The following WDR59 variants were observed in gnomAD, a reference collection of about 807,000 sequenced individuals.
WDR59 encodes the protein WD repeat domain 59.
WDR59 carries 100 observed loss-of-function variants against 131.2 expected under a neutral mutation model. The observed-to-expected ratio is 0.76, with a 90% CI of 0.65 to 0.90. WDR59 has a LOEUF of 0.90. Ranked by LOEUF, WDR59 falls within the 40% of genes least tolerant of loss-of-function variation. WDR59 has a pLI of 0.00. For synonymous variants in WDR59, 601 were observed against 466.2 expected (o/e 1.29, Z -3.72); for missense variants, 1,203 against 1,262.2 (o/e 0.95, Z 0.71).
chr16:74,969,415 G>C (rs1228094676), intron 1 of WDR59, among the ~76,000 whole-genome samples: 1 of 151,884 alleles, frequency 6.6e-6, no homozygotes, highest in Non-Finnish European at 1.5e-5. Flanking sequence ...TGGGATTACA[G>C]GTGCATGCCA....
intron 2 of WDR59, among the ~76,000 whole-genome samples, chr16:74,959,811 C>T (rs866367637): frequency 6.7e-6 from 1 of 148,158 alleles, no homozygotes; most frequent in Non-Finnish European, 1.5e-5. Context: ...GCCTCCCCAC[C>T]GCCCTCCAAA....
At chr16:74,937,012 T>C (rs1206716518) in intron 8 of WDR59, among the ~76,000 whole-genome samples, 2 of 152,182 alleles carry the variant, frequency 1.3e-5, no homozygotes. Context: ...ATGTCATATA[T>C]GACTATATAA....
At chr16:74,883,182 G>A (rs538862298) in intron 25 of WDR59, among the ~76,000 whole-genome samples, 30 of 151,566 alleles carry the variant, frequency 2.0e-4, no homozygotes, top group African/African-American at 6.3e-4. Context: ...GCACCACCAC[G>A]CCCGGCTAAT....
chr16:74,889,881 TC>T (rs1333770462), intron 20 of WDR59, 66 bp from the exon 21 acceptor site: 7 of 1,233,666 alleles, frequency 5.7e-6, no homozygotes, highest in Non-Finnish European at 7.0e-6. Flanking sequence ...CATGAAGCAA[TC>T]CCACCTGTCT....
chr16:74,984,253 G>A (rs2034538074), intron 1 of WDR59, among the ~76,000 whole-genome samples: 1 of 152,118 alleles, frequency 6.6e-6, no homozygotes, highest in Non-Finnish European at 1.5e-5. Flanking sequence ...CTCCAGCCTG[G>A]GCAACAGAGT....
intron 11 of WDR59, among the ~76,000 whole-genome samples, chr16:74,916,762 G>A (rs1258867535): frequency 6.6e-6 from 1 of 151,810 alleles, no homozygotes; most frequent in Non-Finnish European, 1.5e-5. Flanking sequence ...GGGAGGCTGA[G>A]GCAGGAGAAT....
intron 7 of WDR59, among the ~76,000 whole-genome samples, chr16:74,940,801 G>C (rs1294328682): frequency 6.6e-6 from 1 of 152,044 alleles, no homozygotes. Context: ...CGCCTCCCGG[G>C]TTCAAGCGAT....
At chr16:74,945,356 A>C (rs2032542530) in intron 6 of WDR59, among the ~76,000 whole-genome samples, 1 of 151,706 alleles carries the variant, frequency 6.6e-6, no homozygotes, top group African/African-American at 2.4e-5. Context: ...GGGCGCCTGC[A>C]GTCCCAGCTA....
intron 8 of WDR59, among the ~76,000 whole-genome samples, chr16:74,924,836 G>T (rs1286872016): frequency 6.6e-6 from 1 of 152,030 alleles, no homozygotes; most frequent in Non-Finnish European, 1.5e-5. Flanking sequence ...GCCCGGGCTG[G>T]TCTCGAACTC....
intron 1 of WDR59, among the ~76,000 whole-genome samples, chr16:74,974,355 G>A (rs145416282): frequency 1.1e-4 from 17 of 152,298 alleles, no homozygotes; most frequent in African/African-American, 3.8e-4. Context: ...GGCCAAGTGT[G>A]TTGCTTCCTT....
At chr16:74,968,711 C>T (rs1369487861) in intron 1 of WDR59, among the ~76,000 whole-genome samples, 1 of 151,814 alleles carries the variant, frequency 6.6e-6, no homozygotes, top group Non-Finnish European at 1.5e-5. Context: ...GGCGACAGAG[C>T]AAGACTCTGT....
chr16:74,880,878 T>C (rs747523825), intron 25 of WDR59, among the ~76,000 whole-genome samples: 8 of 152,230 alleles, frequency 5.3e-5, no homozygotes, highest in Non-Finnish European at 1.0e-4. Flanking sequence ...ACAAAAAGTT[T>C]TGTGTATTAA....
chr16:74,912,447 T>G (rs1966147672), intron 13 of WDR59, 85 bp from the exon 14 acceptor site: 5 of 1,372,300 alleles, frequency 3.6e-6, no homozygotes, highest in Non-Finnish European at 4.9e-6. Context: ...ACGCTCCATG[T>G]TCCTGGTAAT....
intron 1 of WDR59, among the ~76,000 whole-genome samples, chr16:74,979,541 GTTTT>G (rs962880749): frequency 6.6e-6 from 1 of 150,804 alleles, no homozygotes; most frequent in Non-Finnish European, 1.5e-5. Context: ...CAAGTTGTGT[GTTTT>G]TTTTGTTTTT....
chr16:74,982,943 G>A (rs1036537303), intron 1 of WDR59, among the ~76,000 whole-genome samples: 2 of 152,218 alleles, frequency 1.3e-5, no homozygotes, highest in Non-Finnish European at 2.9e-5. Context: ...AATCACCTGT[G>A]CATGGTATAG....
At chr16:74,875,560 A>T (rs1480760457) in intron 25 of WDR59, among the ~76,000 whole-genome samples, 4 of 151,820 alleles carry the variant, frequency 2.6e-5, no homozygotes. Context: ...AGGTCTCCCA[A>T]ACCTACACCA....
At chr16:74,912,108 C>G in intron 14 of WDR59, 90 bp downstream of exon 14, 2 of 1,549,270 alleles carry the variant, frequency 1.3e-6, no homozygotes, top group Non-Finnish European at 1.8e-6. Context: ...ACTTCCGAAT[C>G]TCATCTACTG....
chr16:74,946,512 A>G (rs112924585), intron 6 of WDR59, among the ~76,000 whole-genome samples: 4,195 of 152,230 alleles, frequency 0.028, 211 homozygotes, highest in African/African-American at 0.096. Context: ...ACTTGAGGTC[A>G]GGAGCTCGAG....
chr16:74,927,642 C>T (rs1240487286), intron 8 of WDR59, among the ~76,000 whole-genome samples: 1 of 144,942 alleles, frequency 6.9e-6, no homozygotes, highest in African/African-American at 2.5e-5. Flanking sequence ...AATAAAACTT[C>T]TAAAAAACTT....
Sources: allele counts gnomAD v4.1 joint callset (sites outside exome capture counted in the v4.1 genomes callset), GRCh38; gene constraint gnomAD v4.1.1; transcripts MANE v1.5; gene names NCBI Gene and HGNC (gene_info 2026-07-23, HGNC 2026-07-21).